TNK2: variants seen among roughly 807,000 people sequenced by gnomAD.
The protein encoded by TNK2 is activated CDC42 kinase 1.
In TNK2, 83 loss-of-function variants were observed where a neutral mutation model predicts 101.8. The ratio of observed to expected loss-of-function variants is 0.82; its 90% CI spans 0.68 to 0.98. The LOEUF (loss-of-function observed/expected upper bound fraction) is 0.98, where lower values mean the gene tolerates loss of function less well. Ranked by LOEUF, TNK2 falls within the 50% of genes least tolerant of loss-of-function variation. The pLI, the probability that TNK2 is intolerant of heterozygous loss-of-function variation, is 0.00. For synonymous variants in TNK2, 804 were observed against 633.0 expected, an observed-to-expected ratio of 1.27 and a Z score of -4.06; for missense variants, 1,665 against 1,483.2, an observed-to-expected ratio of 1.12 and a Z score of -2.01.
In TNK2 at chr3:195,886,534, A is replaced by C. The variant is rs997683904; in HGVS notation, c.234+443T>G. On this transcript the variant is annotated intron_variant, in intron 3 of 15. Coordinates refer to ENST00000672887, the MANE Select transcript of TNK2 (RefSeq NM_001382273.1). The surrounding 1 kb of genome is among the most constrained non-coding windows in gnomAD (Gnocchi z 4.2). ...GGTGGGGACAGGCTGTGGGGAAGGA[A>C]GCTGTCAGCAGGGACAGATGACCAG... is the stretch of plus-strand genomic sequence containing the variant. Among the ~76,000 whole-genome samples the C allele has an allele frequency of 1.3e-5, 2 of 152,096 alleles. No individual in the cohort carries two copies. Among genetic ancestry groups the C allele is most frequent in the Admixed American group, 6.5e-5 (1 of 15,278 alleles).
chr3:195,868,826 T>TC (rs1401747186), intron 12 of TNK2, 117 bp from the exon 13 acceptor site: 20 of 1,263,548 alleles, frequency 1.6e-5, no homozygotes, highest in African/African-American at 4.7e-5. Context: ...CACTCCCAAC[T>TC]CCCCCCGAGG....
chr3:195,870,390 G>T lies in TNK2; in HGVS notation c.1452-185C>A, dbSNP rs762722571. ...AGCTGGGGGGTGTCCTGGAGAGAAG[G>T]CAGAGAAAGGACACCTGACCCCAGG... On this transcript the variant is annotated intron_variant, in intron 10 of 15. Coordinates refer to ENST00000672887, the MANE Select transcript of TNK2 (RefSeq NM_001382273.1). 10 of 1,457,026 alleles carry T rather than the reference G, an allele frequency of 6.9e-6. No homozygotes were observed. In the Admixed American group the frequency reaches 1.8e-4, roughly 26 times the overall value. The allele number at this position is 1,457,026 out of a possible 1,614,324, so 90.3% of individuals were successfully genotyped here. A position where few individuals can be genotyped will look rare whatever the true frequency, so the allele number is the denominator to read the frequency against.
intron 10 of TNK2, among the ~76,000 whole-genome samples, chr3:195,871,608 C>T (rs1246747884): frequency 1.3e-5 from 2 of 152,148 alleles, no homozygotes; most frequent in Admixed American, 1.3e-4. Context: ...GGGTTCCTCC[C>T]AAGTTCATTT....
At chr3:195,873,803 G>A (rs1354511850) in intron 9 of TNK2, among the ~76,000 whole-genome samples, 1 of 151,948 alleles carries the variant, frequency 6.6e-6, no homozygotes, top group African/African-American at 2.4e-5. Context: ...AAACCCGAGA[G>A]CACCACGGTC....
chr3:195,891,400 C>G (rs1758377883), intron 1 of TNK2, among the ~76,000 whole-genome samples: 1 of 152,264 alleles, frequency 6.6e-6, no homozygotes, highest in Non-Finnish European at 1.5e-5. Flanking sequence ...GAGCAAAACT[C>G]CATCTCAAAA....
At chr3:195,883,106 A>T (rs368846561) in intron 5 of TNK2, 51 bp downstream of exon 5, 1 of 1,589,184 alleles carries the variant, frequency 6.3e-7, no homozygotes, top group East Asian at 2.2e-5. Flanking sequence ...AACCACACAT[A>T]TGGGACCGGA....
chr3:195,904,867 CAG>C (rs1761567428), intron 1 of TNK2, among the ~76,000 whole-genome samples: 2 of 152,284 alleles, frequency 1.3e-5, no homozygotes, highest in Admixed American at 1.3e-4. Context: ...TAGACAAATA[CAG>C]AGATATACAC....
chr3:195,904,990 C>A (rs1035426875), intron 1 of TNK2, among the ~76,000 whole-genome samples: 26 of 152,128 alleles, frequency 1.7e-4, no homozygotes, highest in African/African-American at 3.1e-4. Context: ...CTAACTAATT[C>A]TAAAATGTAT....
chr3:195,907,652 G>A (rs541041977), intron 1 of TNK2, among the ~76,000 whole-genome samples: 3 of 152,320 alleles, frequency 2.0e-5, no homozygotes, highest in South Asian at 2.1e-4. Context: ...GGCCACGAGG[G>A]AGTCAACAAG....
At chr3:195,872,150 G>T in intron 10 of TNK2, 126 bp downstream of exon 10, 2 of 1,081,700 alleles carry the variant, frequency 1.8e-6, no homozygotes, top group Non-Finnish European at 2.6e-6. Context: ...GGAGGGGAGA[G>T]TGGCGGGTCG....
chr3:195,895,095 C>A, intron 1 of TNK2: 1 of 708,900 alleles, frequency 1.4e-6, no homozygotes, highest in Non-Finnish European at 2.1e-6. Context: ...ACCGCCACAC[C>A]CACATAAACA....
At chr3:195,906,254 AAC>A (rs1186446370) in intron 1 of TNK2, among the ~76,000 whole-genome samples, 1 of 152,232 alleles carries the variant, frequency 6.6e-6, no homozygotes, top group Non-Finnish European at 1.5e-5. Flanking sequence ...CACTTTGGAA[AAC>A]AGTCTGGCAG....
chr3:195,884,122 G>A (rs952708703), intron 4 of TNK2: 4 of 152,134 alleles, frequency 2.6e-5, no homozygotes, highest in African/African-American at 7.2e-5. Flanking sequence ...ATCCCTGAGG[G>A]GAAAATGTTA....
chr3:195,870,330 C>T (rs752433784), intron 10 of TNK2, 125 bp from the exon 11 acceptor site: 9 of 1,528,416 alleles, frequency 5.9e-6, no homozygotes, highest in African/African-American at 2.8e-5. Context: ...ACAGGCCTCC[C>T]GCCTCCCAGT....
intron 1 of TNK2, chr3:195,895,110 GCTCT>G (rs2149798183): frequency 1.2e-6 from 1 of 800,080 alleles, no homozygotes; most frequent in Non-Finnish European, 1.8e-6. Context: ...TAAACACACC[GCTCT>G]CTGTCCCCTG....
At chr3:195,907,444 C>T (rs866403166) in intron 1 of TNK2, among the ~76,000 whole-genome samples, 76 of 152,320 alleles carry the variant, frequency 5.0e-4, no homozygotes, top group African/African-American at 1.8e-3. Context: ...AGCCACACCT[C>T]GGGCTGGGGC....
intron 1 of TNK2, among the ~76,000 whole-genome samples, chr3:195,898,587 C>T (rs1177183052): frequency 6.6e-6 from 1 of 151,948 alleles, no homozygotes; most frequent in South Asian, 2.1e-4. Context: ...CCAGCCAAGC[C>T]AAGTGTTTGC....
At chr3:195,897,848 T>G (rs999463644) in intron 1 of TNK2, among the ~76,000 whole-genome samples, 1 of 58,136 alleles carries the variant, frequency 1.7e-5, no homozygotes, top group Admixed American at 2.3e-4. Flanking sequence ...CCCCAGCTTC[T>G]TAACTGTTGG....
At chr3:195,864,306 G>A (rs1456132687) in intron 15 of TNK2, 119 bp from the exon 16 acceptor site, 22 of 1,142,396 alleles carry the variant, frequency 1.9e-5, no homozygotes, top group Non-Finnish European at 3.9e-6. Context: ...CCCCGGCAAG[G>A]ACTGTAAAAT....
Sources: gnomAD v4.1 joint callset for allele counts (sites outside exome capture counted in the v4.1 genomes callset) on GRCh38, gnomAD v4.1.1 for gene constraint, Gnocchi (gnomAD v3.1) non-coding constraint, MANE v1.5 for transcripts, NCBI Gene and HGNC (gene_info 2026-07-23, HGNC 2026-07-21) for gene names.